The following LGSN variants were observed in gnomAD, a reference collection of about 807,000 sequenced individuals.
LGSN encodes the protein lengsin, lens protein with glutamine synthetase domain.
A neutral mutation model predicts 19.5 loss-of-function variants in LGSN; 21 were observed. That is an observed-to-expected ratio of 1.07 (90% CI 0.76 to 1.55). The LOEUF (loss-of-function observed/expected upper bound fraction) is 1.55. Among genes scored for constraint, LGSN ranks in the 40% most tolerant of loss-of-function variants. The pLI, the probability that LGSN is intolerant of heterozygous loss-of-function variation, is 0.00. For missense variants in LGSN, 673 were observed against 608.5 expected (o/e 1.11, Z -1.12); for synonymous variants, 257 against 215.6 (o/e 1.19, Z -1.68).
chr6:63,544,813 G>A, the LGSN span, among the ~76,000 whole-genome samples: 1 of 152,144 alleles, frequency 6.6e-6, no homozygotes. Flanking sequence ...AATGCTTGAT[G>A]TTAATTTCTC....
chr6:63,559,989 T>A, the LGSN span, among the ~76,000 whole-genome samples: 2 of 152,142 alleles, frequency 1.3e-5, no homozygotes, highest in African/African-American at 2.4e-5. Flanking sequence ...TATAATATTG[T>A]GGAAGATCAC....
the LGSN span, among the ~76,000 whole-genome samples, chr6:63,505,096 T>C: frequency 9.9e-5 from 15 of 152,230 alleles, no homozygotes; most frequent in South Asian, 3.1e-3. Context: ...TTTATTGTCC[T>C]ATATTGGCTA....
At chr6:63,322,154 A>G (rs1359312544), upstream of LGSN, among the ~76,000 whole-genome samples, 1 of 152,212 alleles carries the variant, frequency 6.6e-6, no homozygotes, top group Admixed American at 6.5e-5. Flanking sequence ...GGAAGAGCAA[A>G]GGATGCAAAT....
chr6:63,429,592 C>T, the LGSN span, among the ~76,000 whole-genome samples: 4 of 152,088 alleles, frequency 2.6e-5, no homozygotes, highest in African/African-American at 4.8e-5. Context: ...AAAAATTAGC[C>T]GAGTGTGGTC....
chr6:63,537,524 G>GT, the LGSN span, among the ~76,000 whole-genome samples: 2 of 152,140 alleles, frequency 1.3e-5, no homozygotes, highest in Admixed American at 6.5e-5. Context: ...GCCTTAGAGC[G>GT]TACCTTTTCA....
the LGSN span, among the ~76,000 whole-genome samples, chr6:63,513,910 C>CAAAA: frequency 2.8e-4 from 3 of 10,666 alleles, no homozygotes; most frequent in African/African-American, 4.2e-4. Flanking sequence ...GACTTCATCT[C>CAAAA]AAAAAAAAAA....
chr6:63,350,368 T>G, the LGSN span, among the ~76,000 whole-genome samples: 1 of 152,226 alleles, frequency 6.6e-6, no homozygotes, highest in Non-Finnish European at 1.5e-5. Context: ...AACTGGAAAA[T>G]ATTTTACAGA....
the LGSN span, among the ~76,000 whole-genome samples, chr6:63,442,258 G>A: frequency 2.7e-4 from 41 of 152,180 alleles, no homozygotes; most frequent in Non-Finnish European, 5.3e-4. Context: ...TAAAGGCGGC[G>A]TAGACCCAAA....
chr6:63,536,330 CA>C, the LGSN span, among the ~76,000 whole-genome samples: 3 of 149,364 alleles, frequency 2.0e-5, no homozygotes, highest in African/African-American at 7.4e-5. Flanking sequence ...GATTCTGTCT[CA>C]AAAAAAAAGG....
chr6:63,395,606 C>T, the LGSN span: 16,329 of 153,438 alleles, frequency 0.11, 1,806 homozygotes, highest in African/African-American at 0.29. Flanking sequence ...CCTGGGGCTC[C>T]TGCTGGTTGC....
chr6:63,476,014 G>A, the LGSN span, among the ~76,000 whole-genome samples: 6 of 152,296 alleles, frequency 3.9e-5, no homozygotes, highest in South Asian at 2.1e-4. Context: ...ATCAAGAGCC[G>A]AGTGGAGATA....
the LGSN span, among the ~76,000 whole-genome samples, chr6:63,526,358 A>G: frequency 6.6e-6 from 1 of 151,978 alleles, no homozygotes; most frequent in Non-Finnish European, 1.5e-5. Context: ...AATTTCCAGA[A>G]GCTTTGGGTT....
chr6:63,432,164 A>AGG, the LGSN span, among the ~76,000 whole-genome samples: 502 of 109,590 alleles, frequency 4.6e-3, 23 homozygotes, highest in East Asian at 0.011. Flanking sequence ...AAAGAAAGAA[A>AGG]GAAAGAAAAG....
the LGSN span, among the ~76,000 whole-genome samples, chr6:63,535,735 A>C: frequency 9.9e-5 from 15 of 152,184 alleles, no homozygotes; most frequent in Non-Finnish European, 1.6e-4. Flanking sequence ...ATATCAAAGG[A>C]TCACAAAGCT....
chr6:63,309,497 C>A (rs941691923), intron 1 of LGSN, among the ~76,000 whole-genome samples: 1 of 152,110 alleles, frequency 6.6e-6, no homozygotes, highest in Admixed American at 6.5e-5. Context: ...CAATTTTTTT[C>A]AATATCTTCT....
chr6:63,360,941 G>C, the LGSN span, among the ~76,000 whole-genome samples: 1 of 152,174 alleles, frequency 6.6e-6, no homozygotes, highest in Non-Finnish European at 1.5e-5. Context: ...TGTTTGCCTG[G>C]GTATCAGCAG....
At chr6:63,351,521 C>T in the LGSN span, among the ~76,000 whole-genome samples, 453 of 152,012 alleles carry the variant, frequency 3.0e-3, 3 homozygotes, top group African/African-American at 0.01. Flanking sequence ...TGTAGTGGTG[C>T]GATTTCAGCT....
chr6:63,318,603 G>A (rs1370179909), intron 1 of LGSN, among the ~76,000 whole-genome samples: 3 of 152,110 alleles, frequency 2.0e-5, no homozygotes, highest in Admixed American at 1.3e-4. Context: ...AATGTCTCTT[G>A]CTGTGAGAAT....
chr6:63,560,624 G>A, the LGSN span, among the ~76,000 whole-genome samples: 1 of 151,844 alleles, frequency 6.6e-6, no homozygotes, highest in Non-Finnish European at 1.5e-5. Flanking sequence ...GGCTGGTCTC[G>A]AACTCCTGAC....
Sources: allele counts gnomAD v4.1 joint callset (sites outside exome capture counted in the v4.1 genomes callset), GRCh38; gene constraint gnomAD v4.1.1; transcripts MANE v1.5; gene names NCBI Gene and HGNC (gene_info 2026-07-23, HGNC 2026-07-21).